ATM: variants seen among roughly 807,000 people sequenced by gnomAD.
ATM encodes the protein ATM serine/threonine kinase.
A neutral mutation model predicts 387.0 loss-of-function variants in ATM; 308 were observed. The ratio of observed to expected loss-of-function variants is 0.80; its 90% confidence interval spans 0.73 to 0.87. The LOEUF is 0.87. ATM is among the 40% of genes least tolerant of loss of function. The pLI, the probability that ATM is intolerant of heterozygous loss-of-function variation, is 0.00. For synonymous variants in ATM, 1,156 were observed against 1,187.3 expected, an observed-to-expected ratio of 0.97 and a Z score of 0.54; for missense variants, 3,312 against 3,560.9, an observed-to-expected ratio of 0.93 and a Z score of 1.78.
rs1258683312 is a variant in ATM at position 108,249,226 on chromosome 11, A to G, written c.1235+124A>G. The G allele has an allele frequency of 1.2e-5, 13 of 1,100,482 alleles. No individual in the cohort carries two copies. The East Asian group carries it at 1.7e-4, about 15-fold the overall frequency. 68.2% of individuals were successfully genotyped at this position (1,100,482 alleles called of 1,614,324 possible). ...AAGTCATTTGTCTACCCCCAAACCT[A>G]TTACTAGCAAAGGGATATGTGATTG... is the stretch of plus-strand genomic sequence containing the variant. On this transcript the variant is annotated intron_variant, in intron 9 of 62. Transcript: ENST00000675843.
At chr11:108,304,902 A>G (rs2135947519) in intron 37 of ATM, 50 bp downstream of exon 37, 1 of 1,584,386 alleles carries the variant, frequency 6.3e-7, no homozygotes, top group Non-Finnish European at 8.6e-7. Context: ...GTTCTAGAGA[A>G]AGATGGATTT....
At chr11:108,348,642 A>T (rs986256166) in intron 59 of ATM, among the ~76,000 whole-genome samples, 1 of 152,040 alleles carries the variant, frequency 6.6e-6, no homozygotes, top group Non-Finnish European at 1.5e-5. Flanking sequence ...TCACTAGGTG[A>T]TAATTTTTAG....
chr11:108,335,737 G>A (rs2086767366), intron 55 of ATM, 108 bp from the exon 56 acceptor site: 2 of 781,300 alleles, frequency 2.6e-6, no homozygotes, highest in Non-Finnish European at 2.2e-6. Context: ...GTCAAGAGGT[G>A]CACAGATGCT....
At chr11:108,299,305 TTC>T (rs201402781) in intron 33 of ATM, among the ~76,000 whole-genome samples, 8 of 142,252 alleles carry the variant, frequency 5.6e-5, no homozygotes, top group East Asian at 2.0e-4. Flanking sequence ...TTAAGGTTGA[TTC>T]TCTCTCTCTT....
intron 43 of ATM, among the ~76,000 whole-genome samples, chr11:108,319,657 ACTTGTGAATTCCC>A (rs2085045898): frequency 6.6e-6 from 1 of 152,198 alleles, no homozygotes; most frequent in Non-Finnish European, 1.5e-5. Context: ...TGACTTGTCC[ACTTGTGAATTCCC>A]CTTGTGCCTA....
intron 62 of ATM, 21 bp downstream of exon 62, chr11:108,365,239 G>T: frequency 1.2e-6 from 2 of 1,614,170 alleles, no homozygotes; most frequent in South Asian, 2.2e-5. Flanking sequence ...TTTTAAGAAG[G>T]TCCTGTTGTC....
intron 5 of ATM, among the ~76,000 whole-genome samples, chr11:108,243,378 C>G (rs369526126): frequency 6.6e-6 from 1 of 152,132 alleles, no homozygotes; most frequent in Non-Finnish European, 1.5e-5. Flanking sequence ...TTTGGGAGAC[C>G]AAGGTGGGTA....
intron 16 of ATM, among the ~76,000 whole-genome samples, chr11:108,263,214 A>G (rs1299837705): frequency 7.0e-6 from 1 of 143,690 alleles, no homozygotes; most frequent in South Asian, 2.4e-4. Context: ...ACCTATTCCA[A>G]AATTGACCAC....
chr11:108,273,089 G>A (rs1251441737), intron 22 of ATM, among the ~76,000 whole-genome samples: 2 of 152,094 alleles, frequency 1.3e-5, no homozygotes, highest in Admixed American at 6.5e-5. Flanking sequence ...ACTTGCTTAT[G>A]CCACAGAGCT....
chr11:108,338,104 T>A (rs1400986320), intron 56 of ATM, among the ~76,000 whole-genome samples: 1 of 152,258 alleles, frequency 6.6e-6, no homozygotes, highest in Non-Finnish European at 1.5e-5. Flanking sequence ...ATCCCAGTAC[T>A]TCAGGAGGCC....
At chr11:108,264,178 A>G (rs2081077019) in intron 16 of ATM, among the ~76,000 whole-genome samples, 1 of 152,044 alleles carries the variant, frequency 6.6e-6, no homozygotes, top group Non-Finnish European at 1.5e-5. Context: ...GACACAACCA[A>G]AAAAGAGAAT....
At chr11:108,238,113 G>C (rs906303630) in intron 5 of ATM, among the ~76,000 whole-genome samples, 3 of 152,004 alleles carry the variant, frequency 2.0e-5, no homozygotes, top group African/African-American at 4.8e-5. Context: ...TTTTAGTAGA[G>C]ACAGGGTTTC....
chr11:108,294,218 T>G (rs1421335812), intron 31 of ATM, among the ~76,000 whole-genome samples: 1 of 152,142 alleles, frequency 6.6e-6, no homozygotes, highest in Non-Finnish European at 1.5e-5. Context: ...ATTTTAAGTT[T>G]TAATCTTTAT....
chr11:108,317,497 A>G lies in ATM; in HGVS notation c.6323A>G (p.Gln2108Arg), dbSNP rs773891864. 1.4e-5 allele frequency: 22 copies of G among 1,610,614 alleles called. No individual in the cohort carries two copies. The highest frequency in any genetic ancestry group is 2.2e-5 in the South Asian group (2 of 91,038). The part of the protein sequence containing the change: ...LHYQAAWRNM[Q>R]WDHCTSVSKE... ...TACCAAGCAGCATGGAGGAATATGC[A>G]GTGGGACCATTGCACTTCCGTCAGG... The change falls in exon 43 of 63, where the codon CAG becomes CGG. Residue 2108 changes from glutamine to arginine, a missense_variant. Gln to Arg is a conservative substitution (Grantham distance 43, BLOSUM62 1). Around this residue, in one of 4 missense-constraint regions of ATM, gnomAD observed 1,405 missense variants for 1,604.4 expected, o/e 0.88. Coordinates refer to ENST00000675843, the MANE Select transcript of ATM (RefSeq NM_000051.4).
In ATM at chr11:108,271,263, T is replaced by G. The variant is rs368678134; in HGVS notation, c.2934T>G (p.Ser978=). Residue 978 remains serine (S), a synonymous_variant, in exon 20 of 63, where the codon TCT becomes TCG. Coordinates refer to ENST00000675843, the MANE Select transcript of ATM (RefSeq NM_000051.4). ...TTTTTTACCACAGCAATGTGTGTTC[T>G]TTGTATCGTCGTGACCAAGATGTTT... ...ELLKPLSNVC[S]LYRRDQDVCK... 8.1e-6 allele frequency: 13 copies of G among 1,613,994 alleles called. No individual in the cohort carries two copies. Among genetic ancestry groups the G allele is most frequent in the Non-Finnish European group, 1.1e-5 (13 of 1,180,000 alleles).
chr11:108,342,551 T>C (rs1459011126), intron 56 of ATM, among the ~76,000 whole-genome samples: 5 of 152,100 alleles, frequency 3.3e-5, no homozygotes, highest in Non-Finnish European at 5.9e-5. Flanking sequence ...GGGAGGGACT[T>C]AGGGTCAGTG....
intron 16 of ATM, among the ~76,000 whole-genome samples, chr11:108,259,981 T>C (rs1320784387): frequency 1.3e-5 from 2 of 151,988 alleles, no homozygotes; most frequent in Admixed American, 6.6e-5. Context: ...TGGTATTCTA[T>C]TGTGTGGTGA....
chr11:108,227,806 C>A lies in ATM; in HGVS notation c.103C>A (p.Arg35=), dbSNP rs55861249. Residue 35 remains arginine (R), a synonymous_variant, in exon 3 of 63, where the codon CGA becomes AGA. Transcript: ENST00000675843. ...AGTTGAGAAATTTAAGCGCCTGATT[C>A]GAGATCCTGAAACAATTAAACATCT... ...KEVEKFKRLI[R]DPETIKHLDR... 4.8e-5 allele frequency: 78 copies of A among 1,613,574 alleles called. No individual in the cohort carries two copies. The African/African-American group carries it at 7.9e-4, about 16-fold the overall frequency.
At chr11:108,286,733 G>C (rs535297914) in intron 26 of ATM, among the ~76,000 whole-genome samples, 4 of 152,220 alleles carry the variant, frequency 2.6e-5, no homozygotes, top group African/African-American at 9.6e-5. Context: ...TTGACCTTAG[G>C]TTCCCTGCCT....
Sources: allele counts gnomAD v4.1 joint callset (sites outside exome capture counted in the v4.1 genomes callset), GRCh38; gene constraint gnomAD v4.1.1; regional missense constraint gnomAD v4.1.1; transcripts MANE v1.5; gene names NCBI Gene and HGNC (gene_info 2026-07-23, HGNC 2026-07-21).